The following ETV6 variants were observed in gnomAD, a reference collection of about 807,000 sequenced individuals.
ETV6 encodes the protein ETS variant transcription factor 6.
Under a neutral mutation model 51.1 loss-of-function variants are expected in ETV6, and 16 were observed. That is an observed-to-expected ratio of 0.31 (90% CI 0.21 to 0.48). The LOEUF (loss-of-function observed/expected upper bound fraction) is 0.48. ETV6 is among the 20% of genes least tolerant of loss of function. The pLI, the probability that ETV6 is intolerant of heterozygous loss-of-function variation, is 0.99. For synonymous variants in ETV6, 240 were observed against 224.1 expected, an observed-to-expected ratio of 1.07 and a Z score of -0.64; for missense variants, 458 against 594.8, an observed-to-expected ratio of 0.77 and a Z score of 2.39.
At chr12:11,858,935 T>C (rs1946671031) in intron 4 of ETV6, among the ~76,000 whole-genome samples, 1 of 152,068 alleles carries the variant, frequency 6.6e-6, no homozygotes, top group African/African-American at 2.4e-5. Flanking sequence ...TTGTGAAAGA[T>C]GGAGAGGGTG....
chr12:11,701,362 C>T (rs550779927), intron 1 of ETV6, among the ~76,000 whole-genome samples: 4 of 152,204 alleles, frequency 2.6e-5, no homozygotes, highest in African/African-American at 9.6e-5. Context: ...CAGGTCTCTC[C>T]GTAAGTGGAA....
intron 5 of ETV6, among the ~76,000 whole-genome samples, chr12:11,883,108 A>G (rs114312821): frequency 1.3e-3 from 197 of 152,238 alleles, no homozygotes; most frequent in African/African-American, 4.6e-3. Flanking sequence ...ACACCTGGAA[A>G]TTGGTGCTGC....
rs114617057 is a variant in ETV6 at position 11,654,179 on chromosome 12, A to G, written c.33+4019A>G. ...TTGTGTCAAAAATAACAAAGAAGGA[A>G]ATTGAGGAAAAGGTACAACAAAGGG... On this transcript the variant is annotated intron_variant, in intron 1 of 7. Coordinates refer to ENST00000396373, the MANE Select transcript of ETV6 (RefSeq NM_001987.5). 3.3e-3 allele frequency among the ~76,000 whole-genome samples: 507 copies of G among 152,346 alleles called. 1 individual carries two copies. Among genetic ancestry groups the G allele is most frequent in the African/African-American group, 0.012 (488 of 41,586 alleles).
At chr12:11,656,064 T>A (rs1863993801) in intron 1 of ETV6, among the ~76,000 whole-genome samples, 1 of 152,228 alleles carries the variant, frequency 6.6e-6, no homozygotes, top group East Asian at 1.9e-4. Flanking sequence ...TTCTTCCTCC[T>A]CCATCATCAT....
chr12:11,775,338 A>G (rs1945305427), intron 2 of ETV6, among the ~76,000 whole-genome samples: 2 of 152,346 alleles, frequency 1.3e-5, no homozygotes, highest in South Asian at 4.1e-4. Context: ...GGACTGTGGA[A>G]AAAAACTTAA....
At chr12:11,883,560 G>T (rs1459110487) in intron 5 of ETV6, among the ~76,000 whole-genome samples, 1 of 152,008 alleles carries the variant, frequency 6.6e-6, no homozygotes, top group East Asian at 1.9e-4. Flanking sequence ...TTCCCAAAGT[G>T]CTGGGATTAC....
At chr12:11,779,617 G>T (rs1945382530) in intron 2 of ETV6, among the ~76,000 whole-genome samples, 1 of 152,102 alleles carries the variant, frequency 6.6e-6, no homozygotes, top group African/African-American at 2.4e-5. Context: ...TCTCTTTTCT[G>T]CCAGAAGGAA....
At chr12:11,739,892 T>C (rs549445205) in intron 1 of ETV6, among the ~76,000 whole-genome samples, 71 of 152,332 alleles carry the variant, frequency 4.7e-4, no homozygotes, top group African/African-American at 6.3e-4. Context: ...TATTGGACTT[T>C]CTAGGGAAAG....
intron 1 of ETV6, among the ~76,000 whole-genome samples, chr12:11,726,089 ACAGTGC>A (rs745343766): frequency 6.6e-6 from 1 of 152,248 alleles, no homozygotes; most frequent in Non-Finnish European, 1.5e-5. Flanking sequence ...CTGTGTATCC[ACAGTGC>A]CTCTTATATT....
intron 1 of ETV6, among the ~76,000 whole-genome samples, chr12:11,660,938 A>T (rs576370171): frequency 1.3e-5 from 2 of 152,308 alleles, no homozygotes; most frequent in South Asian, 4.1e-4. Context: ...TCCCTGTGAC[A>T]GGTTTTGGAA....
At chr12:11,756,922 C>T (rs1228511488) in intron 2 of ETV6, among the ~76,000 whole-genome samples, 1 of 152,216 alleles carries the variant, frequency 6.6e-6, no homozygotes, top group Non-Finnish European at 1.5e-5. Context: ...TTCTTTTAAA[C>T]ATGATCATTT....
At chr12:11,678,715 G>A (rs927375626) in intron 1 of ETV6, among the ~76,000 whole-genome samples, 2 of 152,214 alleles carry the variant, frequency 1.3e-5, no homozygotes, top group African/African-American at 4.8e-5. Context: ...CCATCTGCAA[G>A]TTGGAGACCC....
chr12:11,801,698 G>GATGAGGAATCAAACTCAGAT (rs370834741), intron 2 of ETV6, among the ~76,000 whole-genome samples: 1 of 147,854 alleles, frequency 6.8e-6, no homozygotes, highest in South Asian at 2.2e-4. Flanking sequence ...TTGGTGTACA[G>GATGAGGAATCAAACTCAGAT]ATGAGGAATC....
rs1226649443 is a variant in ETV6 at position 11,868,462 on chromosome 12, A to G, written c.464-962A>G. Among the ~76,000 whole-genome samples, 4 of 143,358 alleles carry G rather than the reference A, an allele frequency of 2.8e-5. No homozygotes were observed. The allele number at this position is 143,358 out of a possible 152,430, so 94.0% of individuals were successfully genotyped here. ...TCTTTTTTTTTTTTTTTTTGAGACA[A>G]AGTTTTGCTCTGTCACCCAGGCTGG... On this transcript the variant is annotated intron_variant, in intron 4 of 7. Transcript: ENST00000396373.
At chr12:11,807,823 A>G (rs1158831779) in intron 2 of ETV6, among the ~76,000 whole-genome samples, 1 of 152,212 alleles carries the variant, frequency 6.6e-6, no homozygotes, top group African/African-American at 2.4e-5. Context: ...TTTGGAAAAA[A>G]GAATGTAGGT....
intron 2 of ETV6, among the ~76,000 whole-genome samples, chr12:11,793,679 T>C (rs1005490033): frequency 4.6e-5 from 7 of 152,170 alleles, no homozygotes; most frequent in African/African-American, 1.7e-4. Context: ...GTGCTCTGTT[T>C]TGCCGCTCAG....
chr12:11,689,869 G>A (rs746425913), intron 1 of ETV6, among the ~76,000 whole-genome samples: 131 of 130,740 alleles, frequency 1.0e-3, no homozygotes, highest in Non-Finnish European at 1.4e-3. Context: ...ACTCTCTCCA[G>A]GGCATACGGT....
chr12:11,685,775 C>T (rs1413182655), intron 1 of ETV6, among the ~76,000 whole-genome samples: 2 of 152,138 alleles, frequency 1.3e-5, no homozygotes, highest in African/African-American at 4.8e-5. Flanking sequence ...GCATTATGTT[C>T]ATATGATTGA....
chr12:11,670,572 G>T (rs1385329324), intron 1 of ETV6, among the ~76,000 whole-genome samples: 1 of 152,224 alleles, frequency 6.6e-6, no homozygotes, highest in African/African-American at 2.4e-5. Flanking sequence ...GGACTAAATG[G>T]AAGGGATTGA....
Sources: gnomAD v4.1 joint callset for allele counts (sites outside exome capture counted in the v4.1 genomes callset) on GRCh38, gnomAD v4.1.1 for gene constraint, MANE v1.5 for transcripts, NCBI Gene and HGNC (gene_info 2026-07-23, HGNC 2026-07-21) for gene names.